The following MAGI2 variants were observed in gnomAD, a reference collection of about 807,000 sequenced individuals.
The protein encoded by MAGI2 is membrane associated guanylate kinase, WW and PDZ domain containing 2.
MAGI2 carries 35 observed loss-of-function variants against 133.3 expected under a neutral mutation model. The ratio of observed to expected loss-of-function variants is 0.26; its 90% CI spans 0.20 to 0.35. The LOEUF (loss-of-function observed/expected upper bound fraction) is 0.35. Ranked by LOEUF, MAGI2 falls within the 10% of genes least tolerant of loss-of-function variation. The pLI is 1.00. For synonymous variants in MAGI2, 729 were observed against 710.6 expected, an observed-to-expected ratio of 1.03 and a Z score of -0.41; for missense variants, 1,636 against 1,863.4, an observed-to-expected ratio of 0.88 and a Z score of 2.25.
At chr7:79,227,077 G>A (rs1212593713) in intron 1 of MAGI2, among the ~76,000 whole-genome samples, 1 of 152,102 alleles carries the variant, frequency 6.6e-6, no homozygotes, top group Non-Finnish European at 1.5e-5. Flanking sequence ...TAATCAGTAG[G>A]TTAAACATCC....
chr7:78,316,256 AAATTTTAGCCCAGT>A (rs1291666118), intron 9 of MAGI2, among the ~76,000 whole-genome samples: 3 of 152,340 alleles, frequency 2.0e-5, no homozygotes, highest in Admixed American at 2.0e-4. Context: ...CTCTTTCATC[AAATTTTAGCCCAGT>A]AATAAAACTG....
At chr7:78,245,688 C>T (rs1463680281) in intron 10 of MAGI2, among the ~76,000 whole-genome samples, 3 of 152,096 alleles carry the variant, frequency 2.0e-5, no homozygotes. Context: ...AAAAGGTAAG[C>T]AGGTGGACCC....
chr7:78,967,771 T>C (rs1803455465), intron 2 of MAGI2, among the ~76,000 whole-genome samples: 4 of 152,112 alleles, frequency 2.6e-5, no homozygotes, highest in Admixed American at 2.6e-4. Flanking sequence ...GCATGGCTTA[T>C]TTCTGGGCTC....
intron 9 of MAGI2, among the ~76,000 whole-genome samples, chr7:78,281,969 G>A (rs537981507): frequency 6.6e-6 from 1 of 151,382 alleles, no homozygotes; most frequent in East Asian, 1.9e-4. Flanking sequence ...AATTTTCACT[G>A]TGAGTTCTTT....
chr7:78,673,987 T>TA (rs1231388692), intron 2 of MAGI2, among the ~76,000 whole-genome samples: 10 of 152,280 alleles, frequency 6.6e-5, no homozygotes, highest in African/African-American at 1.9e-4. Flanking sequence ...AAAGCAACTA[T>TA]AAATCAAACA....
intron 21 of MAGI2, among the ~76,000 whole-genome samples, chr7:78,031,155 T>C (rs756410874): frequency 2.6e-4 from 40 of 152,264 alleles, no homozygotes; most frequent in Middle Eastern, 3.4e-3. Context: ...CATTCTCAAA[T>C]AGGCAAAACT....
intron 9 of MAGI2, among the ~76,000 whole-genome samples, chr7:78,289,057 G>C (rs1439227092): frequency 6.6e-6 from 1 of 152,164 alleles, no homozygotes; most frequent in Admixed American, 6.5e-5. Context: ...TTCCTCCAAA[G>C]GAACGCAGCT....
chr7:78,814,693 T>G (rs892109973), intron 2 of MAGI2, among the ~76,000 whole-genome samples: 15 of 152,144 alleles, frequency 9.9e-5, no homozygotes, highest in Admixed American at 3.3e-4. Context: ...ACATAGCTTA[T>G]CTTACCTCTC....
At chr7:78,183,972 T>C (rs1242782499) in intron 13 of MAGI2, among the ~76,000 whole-genome samples, 1 of 152,254 alleles carries the variant, frequency 6.6e-6, no homozygotes, top group African/African-American at 2.4e-5. Context: ...AAAATGTGAA[T>C]TGCACAGTAA....
At chr7:79,169,076 G>A (rs1003357711) in intron 1 of MAGI2, among the ~76,000 whole-genome samples, 10 of 151,806 alleles carry the variant, frequency 6.6e-5, no homozygotes, top group South Asian at 2.1e-4. Flanking sequence ...CTTCCTTCTC[G>A]AAAAGCTTTC....
chr7:78,610,490 T>C (rs1806322017), intron 3 of MAGI2, among the ~76,000 whole-genome samples: 1 of 152,240 alleles, frequency 6.6e-6, no homozygotes, highest in Admixed American at 6.5e-5. Context: ...CTTTCCAACG[T>C]GTGCTCCAGA....
At chr7:79,208,440 T>A (rs2129552457) in intron 1 of MAGI2, among the ~76,000 whole-genome samples, 1 of 151,298 alleles carries the variant, frequency 6.6e-6, no homozygotes, top group African/African-American at 2.4e-5. Flanking sequence ...TGTGAAAAAA[T>A]GCTCAACATT....
intron 21 of MAGI2, among the ~76,000 whole-genome samples, chr7:78,071,589 T>A (rs973711025): frequency 1.1e-4 from 16 of 152,266 alleles, no homozygotes; most frequent in Admixed American, 9.8e-4. Context: ...AAGCAAGAAC[T>A]TATTTACTGC....
chr7:78,657,891 C>T (rs774071965), intron 2 of MAGI2, among the ~76,000 whole-genome samples: 1 of 151,990 alleles, frequency 6.6e-6, no homozygotes, highest in Non-Finnish European at 1.5e-5. Flanking sequence ...GAGGGCTATG[C>T]ATATATGAAG....
chr7:79,024,927 T>C (rs1809721202), intron 1 of MAGI2, among the ~76,000 whole-genome samples: 2 of 152,096 alleles, frequency 1.3e-5, no homozygotes, highest in Non-Finnish European at 2.9e-5. Context: ...AGTTCAAATA[T>C]TGTGAAGGGC....
At chr7:79,240,772 G>A (rs942871470) in intron 1 of MAGI2, among the ~76,000 whole-genome samples, 4 of 151,754 alleles carry the variant, frequency 2.6e-5, no homozygotes, top group African/African-American at 4.9e-5. Context: ...CATTTTCTTC[G>A]ACATTTCCCT....
chr7:79,191,975 T>C (rs749850428), intron 1 of MAGI2, among the ~76,000 whole-genome samples: 9 of 151,888 alleles, frequency 5.9e-5, no homozygotes, highest in Non-Finnish European at 1.2e-4. Context: ...TCTTAAAAAG[T>C]ATTTTAAATG....
At chr7:78,924,559 T>G (rs1799532871) in intron 2 of MAGI2, among the ~76,000 whole-genome samples, 2 of 152,100 alleles carry the variant, frequency 1.3e-5, no homozygotes, top group Non-Finnish European at 2.9e-5. Context: ...TTGATCATGG[T>G]GGATAAGCTT....
In MAGI2 at chr7:78,369,250, A is replaced by G. The variant is rs375180055; in HGVS notation, c.1046-37T>C. 8 of 1,371,844 alleles carry G rather than the reference A, an allele frequency of 5.8e-6. No individual in the cohort carries two copies. In the African/African-American group the frequency reaches 1.0e-4, roughly 17 times the overall value. 85.0% of individuals were successfully genotyped at this position (1,371,844 alleles called of 1,614,324 possible). The stretch of plus-strand genomic sequence containing the variant: ...AGAGTTCTTTCAGTAAATAAAGAAT[A>G]TCACAATTTCTAATAAAAAGTAATA... On this transcript the variant is annotated intron_variant, in intron 6 of 21. Transcript: ENST00000354212.
Sources: gnomAD v4.1 joint callset for allele counts (sites outside exome capture counted in the v4.1 genomes callset) on GRCh38, gnomAD v4.1.1 for gene constraint, MANE v1.5 for transcripts, NCBI Gene and HGNC (gene_info 2026-07-23, HGNC 2026-07-21) for gene names.